The following KIF6 variants were observed in gnomAD, a reference collection of about 807,000 sequenced individuals.
KIF6 encodes kinesin-like protein KIF6.
A neutral mutation model predicts 112.7 loss-of-function variants in KIF6; 106 were observed. The ratio of observed to expected loss-of-function variants is 0.94; its 90% CI spans 0.80 to 1.11. The LOEUF (loss-of-function observed/expected upper bound fraction) is 1.11, where lower values mean the gene tolerates loss of function less well. Among genes scored for constraint, KIF6 ranks in the 50% least tolerant of loss-of-function variants. The pLI is 0.00. For synonymous variants in KIF6, 339 were observed against 339.9 expected (o/e 1.00, Z 0.03); for missense variants, 929 against 964.0 (o/e 0.96, Z 0.48).
intron 13 of KIF6, among the ~76,000 whole-genome samples, chr6:39,463,142 C>A (rs1426592226): frequency 6.6e-6 from 1 of 152,138 alleles, no homozygotes; most frequent in East Asian, 1.9e-4. Flanking sequence ...CTTCCTAAGA[C>A]ATTTGGCTTC....
chr6:39,557,963 T>C (rs566774233), intron 10 of KIF6, among the ~76,000 whole-genome samples: 1 of 151,612 alleles, frequency 6.6e-6, no homozygotes, highest in South Asian at 2.1e-4. Context: ...TTGCCCGTTA[T>C]CACTTTTGTA....
In KIF6 at chr6:39,581,541, G is replaced by T. The variant is rs180843481; in HGVS notation, c.1077+3357C>A. Among the ~76,000 whole-genome samples the T allele has an allele frequency of 2.1e-4, 32 of 152,182 alleles. 1 individual carries two copies. The highest frequency in any genetic ancestry group is 7.0e-4 in the African/African-American group (29 of 41,524). On this transcript the variant is annotated intron_variant, in intron 9 of 22. Coordinates refer to ENST00000287152, the MANE Select transcript of KIF6 (RefSeq NM_145027.6). ...AATTTGAATTTCAAACCTACATGAGGTAGAGCTAGGGTTTCAAATTTTTCA... is the reference window on the plus strand; with the variant it reads ...AATTTGAATTTCAAACCTACATGAGTTAGAGCTAGGGTTTCAAATTTTTCA...
chr6:39,686,194 G>T (rs1290580670), intron 3 of KIF6, among the ~76,000 whole-genome samples: 1 of 152,134 alleles, frequency 6.6e-6, no homozygotes, highest in Non-Finnish European at 1.5e-5. Context: ...AAGGTGTTTA[G>T]CTTAATAGAT....
At chr6:39,558,570 T>C (rs1266165362) in intron 10 of KIF6, among the ~76,000 whole-genome samples, 1 of 152,184 alleles carries the variant, frequency 6.6e-6, no homozygotes, top group East Asian at 1.9e-4. Context: ...TCCCATTTCT[T>C]GTTTTAAAGA....
At chr6:39,544,836 G>A (rs940921985) in intron 11 of KIF6, 143 bp from the exon 12 acceptor site, 7 of 454,600 alleles carry the variant, frequency 1.5e-5, no homozygotes, top group Non-Finnish European at 2.7e-5. Context: ...TTGCGATGCA[G>A]TTGCTTTTTT....
In KIF6 at chr6:39,465,476, C is replaced by T. The variant is rs137904922; in HGVS notation, c.1646-34315G>A. Among the ~76,000 whole-genome samples, 783 of 152,290 alleles carry T rather than the reference C, an allele frequency of 5.1e-3. 5 individuals are homozygous for T. The highest frequency in any genetic ancestry group is 0.017 in the African/African-American group (725 of 41,554). On this transcript the variant is annotated intron_variant, in intron 13 of 22. Transcript: ENST00000287152. ...TTTTGATTTCCTCTCATCTGGACCT[C>T]GCCTATCCTTCTCTTCTTTATCTCC...
At chr6:39,720,388 G>A (rs550896202) in intron 2 of KIF6, among the ~76,000 whole-genome samples, 1 of 152,242 alleles carries the variant, frequency 6.6e-6, no homozygotes, top group African/African-American at 2.4e-5. Context: ...CGTCAGTGAA[G>A]TTTAATCATG....
chr6:39,414,281 C>T (rs1769735846), intron 15 of KIF6, among the ~76,000 whole-genome samples: 1 of 152,176 alleles, frequency 6.6e-6, no homozygotes, highest in African/African-American at 2.4e-5. Flanking sequence ...TCCTACTAAA[C>T]CACATCTACG....
At chr6:39,530,715 G>A (rs1330194094) in intron 13 of KIF6, among the ~76,000 whole-genome samples, 1 of 152,128 alleles carries the variant, frequency 6.6e-6, no homozygotes, top group Non-Finnish European at 1.5e-5. Context: ...TTGTCAAAGG[G>A]GAGACAGTTT....
chr6:39,422,873 C>A (rs1370104204), intron 14 of KIF6, among the ~76,000 whole-genome samples: 1 of 152,202 alleles, frequency 6.6e-6, no homozygotes, highest in African/African-American at 2.4e-5. Flanking sequence ...GCATCCTCAT[C>A]CATGAGATGG....
At chr6:39,549,611 C>A (rs1350747480) in intron 10 of KIF6, among the ~76,000 whole-genome samples, 1 of 152,130 alleles carries the variant, frequency 6.6e-6, no homozygotes, top group Non-Finnish European at 1.5e-5. Flanking sequence ...AGAACCCACA[C>A]CTGCAAGCAT....
intron 13 of KIF6, among the ~76,000 whole-genome samples, chr6:39,535,382 T>C (rs1435055291): frequency 6.6e-6 from 1 of 151,148 alleles, no homozygotes; most frequent in Admixed American, 6.6e-5. Context: ...ACCAAGCAAA[T>C]GGAAAACAAA....
chr6:39,651,212 C>G (rs1785451803), intron 3 of KIF6, among the ~76,000 whole-genome samples: 1 of 152,138 alleles, frequency 6.6e-6, no homozygotes, highest in South Asian at 2.1e-4. Flanking sequence ...CTTTTCCTTG[C>G]CAAGTGTAAA....
chr6:39,385,426 G>T (rs1424075115), intron 16 of KIF6, among the ~76,000 whole-genome samples, 196 bp downstream of exon 16: 2 of 152,112 alleles, frequency 1.3e-5, no homozygotes, highest in Non-Finnish European at 2.9e-5. Flanking sequence ...ATGGCCAGGC[G>T]CAAGAACACA....
At position 39,330,813 on chromosome 6, in the gene KIF6, A is replaced by C. The variant is rs762912559; in HGVS notation, c.*5719T>G. 2.0e-5 allele frequency: 3 copies of C among 152,264 alleles called. No homozygotes were observed. Among genetic ancestry groups the C allele is most frequent in the Non-Finnish European group, 4.4e-5 (3 of 68,050 alleles). 9.4% of individuals were successfully genotyped at this position (152,264 alleles called of 1,614,324 possible). A position where few individuals can be genotyped will look rare whatever the true frequency, so the allele number is the denominator to read the frequency against. On this transcript the variant is annotated 3_prime_UTR_variant, in exon 23 of 23. Transcript: ENST00000287152. ...AGAGGCCACTTTTCGCAAGGTGAGG[A>C]GGAGCTTGTATTCAAGGAAACACTG...
At position 39,433,526 on chromosome 6, in the gene KIF6, A is replaced by G. The variant is rs558428591; in HGVS notation, c.1646-2365T>C. Among the ~76,000 whole-genome samples, 3 of 152,368 alleles carry G rather than the reference A, an allele frequency of 2.0e-5. No homozygotes were observed. In the South Asian group the frequency reaches 6.2e-4, roughly 32 times the overall value. ...AGGCACTTAGGGGTCCTGAAGTGCCAAGGGCTTATCATCAGGAACATAACC... is the reference window on the plus strand; with the variant it reads ...AGGCACTTAGGGGTCCTGAAGTGCCGAGGGCTTATCATCAGGAACATAACC... On this transcript the variant is annotated intron_variant, in intron 13 of 22. Transcript: ENST00000287152.
rs1767279488 is a variant in KIF6 at position 39,384,876 on chromosome 6, C to A, written c.1861+746G>T. The stretch of plus-strand genomic sequence containing the variant: ...GGATACCCACTCCACCAGTCCTCTG[C>A]AAGCTATACTCTTCTCCTAGGTGAC... On this transcript the variant is annotated intron_variant, in intron 16 of 22. Coordinates refer to ENST00000287152, the MANE Select transcript of KIF6 (RefSeq NM_145027.6). 2.0e-5 allele frequency among the ~76,000 whole-genome samples: 3 copies of A among 152,216 alleles called. No individual in the cohort carries two copies. In the South Asian group the frequency reaches 6.2e-4, roughly 32 times the overall value.
intron 15 of KIF6, among the ~76,000 whole-genome samples, chr6:39,412,026 C>T (rs1445314336): frequency 6.6e-6 from 1 of 152,154 alleles, no homozygotes; most frequent in Non-Finnish European, 1.5e-5. Context: ...GGTTCACTCA[C>T]TAAGGCAAGA....
intron 6 of KIF6, among the ~76,000 whole-genome samples, chr6:39,603,238 T>C (rs1032391853): frequency 2.0e-5 from 3 of 152,044 alleles, no homozygotes; most frequent in African/African-American, 7.2e-5. Flanking sequence ...GGCTTCAAAA[T>C]GTTCATATAG....
Sources: gnomAD v4.1 joint callset for allele counts (sites outside exome capture counted in the v4.1 genomes callset) on GRCh38, gnomAD v4.1.1 for gene constraint, MANE v1.5 for transcripts, NCBI Gene and HGNC (gene_info 2026-07-23, HGNC 2026-07-21) for gene names.